FSTL4: variants seen among roughly 807,000 people sequenced by gnomAD.
FSTL4 encodes the protein follistatin like 4.
Under a neutral mutation model 78.2 loss-of-function variants are expected in FSTL4, and 28 were observed. The ratio of observed to expected loss-of-function variants is 0.36; its 90% CI spans 0.27 to 0.49. FSTL4 has a LOEUF of 0.49. Among genes scored for constraint, FSTL4 ranks in the 20% least tolerant of loss-of-function variants. The pLI is 0.98. For synonymous variants in FSTL4, 422 were observed against 440.5 expected, an observed-to-expected ratio of 0.96 and a Z score of 0.53; for missense variants, 922 against 1,084.9, an observed-to-expected ratio of 0.85 and a Z score of 2.11.
At chr5:133,398,491 A>G (rs1037496283) in intron 4 of FSTL4, among the ~76,000 whole-genome samples, 2 of 152,104 alleles carry the variant, frequency 1.3e-5, no homozygotes, top group Non-Finnish European at 2.9e-5. Flanking sequence ...ATCTCTCCCC[A>G]AACCTCCCAG....
intron 3 of FSTL4, among the ~76,000 whole-genome samples, chr5:133,509,173 T>C (rs1758673032): frequency 6.6e-6 from 1 of 152,140 alleles, no homozygotes; most frequent in Non-Finnish European, 1.5e-5. Flanking sequence ...ATCCCTGTGT[T>C]TAAGCCTCCT....
chr5:133,759,067 A>G, the FSTL4 span, among the ~76,000 whole-genome samples: 8 of 152,228 alleles, frequency 5.3e-5, no homozygotes, highest in African/African-American at 1.9e-4. Context: ...TTCACATTCA[A>G]CGGGATGGGA....
At chr5:133,819,169 G>C in the FSTL4 span, among the ~76,000 whole-genome samples, 1 of 151,214 alleles carries the variant, frequency 6.6e-6, no homozygotes. Context: ...ACTGCACAAG[G>C]TTCAGCTAAA....
At chr5:133,815,806 C>A in the FSTL4 span, among the ~76,000 whole-genome samples, 1 of 152,180 alleles carries the variant, frequency 6.6e-6, no homozygotes, top group East Asian at 1.9e-4. Flanking sequence ...GCCCACACAG[C>A]AATACCCTAA....
At chr5:133,645,009 G>C in the FSTL4 span, among the ~76,000 whole-genome samples, 1 of 151,944 alleles carries the variant, frequency 6.6e-6, no homozygotes, top group Non-Finnish European at 1.5e-5. Flanking sequence ...TTCCTCCCCT[G>C]TCCCTTTGGT....
chr5:133,832,042 T>G, the FSTL4 span, among the ~76,000 whole-genome samples: 3 of 152,328 alleles, frequency 2.0e-5, no homozygotes, highest in South Asian at 6.2e-4. Flanking sequence ...AATCACATTT[T>G]GAAATGACTC....
rs180859369 is a variant in FSTL4, at chr5:133,372,452, C to T, written c.409+28286G>A. Among the ~76,000 whole-genome samples the T allele has an allele frequency of 3.3e-3, 498 of 152,208 alleles. 6 individuals are homozygous for T. The highest frequency in any genetic ancestry group is 0.011 in the African/African-American group (468 of 41,520). On this transcript the variant is annotated intron_variant, in intron 4 of 15. Coordinates refer to ENST00000265342, the MANE Select transcript of FSTL4 (RefSeq NM_015082.2). ...GTTTACCTTGGTATTAGGACTGGGT[C>T]ATGGCCCAAGGCTCCTAGTCGCCAA...
intron 3 of FSTL4, among the ~76,000 whole-genome samples, chr5:133,536,362 C>T (rs115841433): frequency 4.7e-4 from 71 of 152,224 alleles, no homozygotes; most frequent in African/African-American, 1.6e-3. Context: ...TTCCTCCTCC[C>T]TTAACAGCAT....
At chr5:133,435,114 C>G (rs1434573017) in intron 3 of FSTL4, among the ~76,000 whole-genome samples, 1 of 152,236 alleles carries the variant, frequency 6.6e-6, no homozygotes, top group Non-Finnish European at 1.5e-5. Flanking sequence ...AACCATGTCT[C>G]TAATTGTATC....
the FSTL4 span, among the ~76,000 whole-genome samples, chr5:133,654,846 C>T: frequency 6.6e-6 from 1 of 152,214 alleles, no homozygotes; most frequent in Non-Finnish European, 1.5e-5. Context: ...CAGGGCTGCC[C>T]TGGCCACCTC....
intron 3 of FSTL4, among the ~76,000 whole-genome samples, chr5:133,431,721 A>C (rs1756943284): frequency 6.6e-6 from 1 of 152,182 alleles, no homozygotes; most frequent in Non-Finnish European, 1.5e-5. Context: ...TCATGAACTA[A>C]AATACAATGG....
chr5:133,344,209 C>T (rs888797379), intron 4 of FSTL4, among the ~76,000 whole-genome samples: 9 of 152,150 alleles, frequency 5.9e-5, no homozygotes, highest in African/African-American at 2.2e-4. Context: ...AAAACAAAAA[C>T]TGCAAATAAT....
intron 3 of FSTL4, among the ~76,000 whole-genome samples, chr5:133,425,763 G>A (rs1401782895): frequency 6.6e-6 from 1 of 152,228 alleles, no homozygotes; most frequent in Non-Finnish European, 1.5e-5. Flanking sequence ...ACACAGCAGA[G>A]AATAAGGGAG....
chr5:133,205,015 G>A (rs9327646), intron 14 of FSTL4, among the ~76,000 whole-genome samples: 34,926 of 151,884 alleles, frequency 0.23, 5,086 homozygotes, highest in East Asian at 0.43. Flanking sequence ...TTGTGATAAT[G>A]CATATCCTAG....
chr5:133,326,926 C>G (rs962662628), intron 4 of FSTL4, among the ~76,000 whole-genome samples: 3 of 152,242 alleles, frequency 2.0e-5, no homozygotes, highest in African/African-American at 7.2e-5. Context: ...CAGCCTGCCT[C>G]CTGTCCCTTC....
At chr5:133,679,848 C>T in the FSTL4 span, among the ~76,000 whole-genome samples, 2 of 152,080 alleles carry the variant, frequency 1.3e-5, no homozygotes, top group African/African-American at 4.8e-5. Flanking sequence ...ATGGCAATAG[C>T]CCCTTATCTC....
chr5:133,682,034 C>T, the FSTL4 span, among the ~76,000 whole-genome samples: 1 of 152,174 alleles, frequency 6.6e-6, no homozygotes, highest in African/African-American at 2.4e-5. Flanking sequence ...AGAGGGTAGG[C>T]TGGGCAAGTG....
chr5:133,621,324 C>T, the FSTL4 span, among the ~76,000 whole-genome samples: 27 of 152,192 alleles, frequency 1.8e-4, no homozygotes, highest in Admixed American at 1.6e-3. Flanking sequence ...GGCGTGAACC[C>T]GGGAGGTGGA....
At chr5:133,471,431 C>T (rs186257651) in intron 3 of FSTL4, among the ~76,000 whole-genome samples, 9 of 152,098 alleles carry the variant, frequency 5.9e-5, no homozygotes, top group Admixed American at 2.6e-4. Flanking sequence ...GGATGTGGGG[C>T]CTTTGGGAGG....
Sources: allele counts gnomAD v4.1 joint callset (sites outside exome capture counted in the v4.1 genomes callset), GRCh38; gene constraint gnomAD v4.1.1; transcripts MANE v1.5; gene names NCBI Gene and HGNC (gene_info 2026-07-23, HGNC 2026-07-21).